The following PLSCR4 variants were observed in gnomAD, a reference collection of about 807,000 sequenced individuals.
The protein encoded by PLSCR4 is phospholipid scramblase 4.
Under a neutral mutation model 36.3 loss-of-function variants are expected in PLSCR4, and 25 were observed. The observed-to-expected ratio is 0.69, with a 90% CI of 0.50 to 0.96. PLSCR4 has a LOEUF of 0.96. PLSCR4 is among the 40% of genes least tolerant of loss of function. The pLI is 0.00. For synonymous variants in PLSCR4, 122 were observed against 132.9 expected, an observed-to-expected ratio of 0.92 and a Z score of 0.56; for missense variants, 408 against 414.7, an observed-to-expected ratio of 0.98 and a Z score of 0.14.
rs2033463421 is a variant in PLSCR4, at chr3:146,192,748, A to G, written c.*1663T>C. ...CATCATTATAGGAAATACATAGTCT[A>G]CTTACGATTGCAATGGCACTTTCAA... On this transcript the variant is annotated 3_prime_UTR_variant, in exon 9 of 9. Transcript: ENST00000354952. 1 of 152,076 alleles carries G rather than the reference A, an allele frequency of 6.6e-6. No individual in the cohort carries two copies. 9.4% of individuals were successfully genotyped at this position (152,076 alleles called of 1,614,324 possible).
chr3:146,198,721 C>T (rs1265761458), intron 6 of PLSCR4, among the ~76,000 whole-genome samples: 1 of 151,986 alleles, frequency 6.6e-6, no homozygotes, highest in Non-Finnish European at 1.5e-5. Context: ...TTTTGATTTG[C>T]TTTCCTTTAT....
At chr3:146,244,324 T>C (rs1013693978) in intron 1 of PLSCR4, among the ~76,000 whole-genome samples, 9 of 152,280 alleles carry the variant, frequency 5.9e-5, no homozygotes, top group Non-Finnish European at 1.3e-4. Flanking sequence ...ATTCTCAAGA[T>C]ACCTCATTAT....
In PLSCR4 at chr3:146,241,682, G is replaced by A. The variant is rs79856739; in HGVS notation, c.-22+9278C>T. ...GCATCATCAACCAACACTGACATTT[G>A]TAGGACACCCACCCAACAGCATTAG... On this transcript the variant is annotated intron_variant, in intron 1 of 8. Transcript: ENST00000354952. Among the ~76,000 whole-genome samples, 10 of 152,254 alleles carry A rather than the reference G, an allele frequency of 6.6e-5. No individual in the cohort carries two copies. The South Asian group carries it at 2.1e-3, about 32-fold the overall frequency.
intron 1 of PLSCR4, among the ~76,000 whole-genome samples, chr3:146,224,403 T>C (rs1221723511): frequency 2.6e-5 from 4 of 152,200 alleles, no homozygotes; most frequent in Non-Finnish European, 1.5e-5. Context: ...GGTGGGTTCT[T>C]GGTCTCACTG....
At chr3:146,235,097 T>C (rs1226421622) in intron 1 of PLSCR4, among the ~76,000 whole-genome samples, 1 of 141,374 alleles carries the variant, frequency 7.1e-6, no homozygotes, top group Non-Finnish European at 1.6e-5. Flanking sequence ...TATAGAATTA[T>C]AGTTCAGAAA....
At chr3:146,237,336 C>G (rs1365759260) in intron 1 of PLSCR4, among the ~76,000 whole-genome samples, 2 of 152,064 alleles carry the variant, frequency 1.3e-5, no homozygotes, top group Non-Finnish European at 2.9e-5. Context: ...CAATCAAAAA[C>G]TGATGAAATT....
chr3:146,213,334 CTTTTT>C (rs60242461), intron 3 of PLSCR4, among the ~76,000 whole-genome samples: 1 of 125,510 alleles, frequency 8.0e-6, no homozygotes, highest in Non-Finnish European at 1.6e-5. Flanking sequence ...GTAAAATTTC[CTTTTT>C]TTTTTTTTTT....
At chr3:146,199,641 T>C (rs942605376) in intron 6 of PLSCR4, among the ~76,000 whole-genome samples, 172 bp downstream of exon 6, 3 of 151,940 alleles carry the variant, frequency 2.0e-5, no homozygotes, top group Admixed American at 6.6e-5. Context: ...AAAGAAAAAA[T>C]CCTCTATGAT....
At chr3:146,238,400 C>A (rs763794616) in intron 1 of PLSCR4, among the ~76,000 whole-genome samples, 10 of 151,848 alleles carry the variant, frequency 6.6e-5, no homozygotes, top group Non-Finnish European at 1.3e-4. Context: ...AAATTCTCAA[C>A]AAAATACTTG....
At chr3:146,198,059 A>G (rs1394316821) in intron 6 of PLSCR4, among the ~76,000 whole-genome samples, 2 of 152,190 alleles carry the variant, frequency 1.3e-5, no homozygotes, top group East Asian at 3.9e-4. Flanking sequence ...ATTACTGTGG[A>G]TGAAAAAGAC....
chr3:146,219,679 C>A (rs560664410), intron 3 of PLSCR4, among the ~76,000 whole-genome samples: 2 of 152,116 alleles, frequency 1.3e-5, no homozygotes, highest in East Asian at 3.9e-4. Context: ...CACTTTGGGA[C>A]ACTGAGGCAG....
chr3:146,240,739 G>C (rs530156582), intron 1 of PLSCR4, among the ~76,000 whole-genome samples: 8 of 152,274 alleles, frequency 5.3e-5, no homozygotes, highest in Non-Finnish European at 7.4e-5. Context: ...AATGTAAAAT[G>C]TTAAAGCTGC....
intron 1 of PLSCR4, among the ~76,000 whole-genome samples, chr3:146,238,586 A>C (rs2036015100): frequency 6.6e-6 from 1 of 152,144 alleles, no homozygotes; most frequent in Non-Finnish European, 1.5e-5. Context: ...AAAAGAATCC[A>C]CTACTCTTTA....
intron 3 of PLSCR4, among the ~76,000 whole-genome samples, chr3:146,213,456 CA>C (rs2034729164): frequency 6.6e-6 from 1 of 151,410 alleles, no homozygotes; most frequent in South Asian, 2.1e-4. Flanking sequence ...CTCAGTGTCC[CA>C]AGTAGCTGGG....
At chr3:146,209,664 T>C (rs1419674343) in intron 3 of PLSCR4, among the ~76,000 whole-genome samples, 1 of 152,110 alleles carries the variant, frequency 6.6e-6, no homozygotes, top group Non-Finnish European at 1.5e-5. Context: ...TTATTTTTGT[T>C]TCACTTTCCA....
intron 1 of PLSCR4, among the ~76,000 whole-genome samples, chr3:146,229,586 A>ATTTTTATTTT (rs869189504): frequency 7.0e-6 from 1 of 143,536 alleles, no homozygotes; most frequent in Admixed American, 7.0e-5. Context: ...TTATCATTTT[A>ATTTTTATTTT]TTTTTCATTT....
At chr3:146,248,507 CA>C (rs2036432353) in intron 1 of PLSCR4, among the ~76,000 whole-genome samples, 1 of 149,072 alleles carries the variant, frequency 6.7e-6, no homozygotes. Flanking sequence ...CACACACACA[CA>C]GTGTTTCAAC....
chr3:146,201,695 T>G (rs1433420578), intron 4 of PLSCR4, among the ~76,000 whole-genome samples: 3 of 152,050 alleles, frequency 2.0e-5, no homozygotes, highest in Admixed American at 1.3e-4. Context: ...AGGAAGCATG[T>G]GAACAGGATT....
intron 1 of PLSCR4, among the ~76,000 whole-genome samples, chr3:146,238,526 A>T (rs2036011134): frequency 6.6e-6 from 1 of 152,086 alleles, no homozygotes; most frequent in African/African-American, 2.4e-5. Flanking sequence ...ATGGTAATAA[A>T]ATAAAGGACA....
Sources: gnomAD v4.1 joint callset for allele counts (sites outside exome capture counted in the v4.1 genomes callset) on GRCh38, gnomAD v4.1.1 for gene constraint, MANE v1.5 for transcripts, NCBI Gene and HGNC (gene_info 2026-07-23, HGNC 2026-07-21) for gene names.